Variants in BLM observed in about 807,000 individuals in gnomAD.
BLM encodes BLM RecQ like helicase, also known as recQ-like DNA helicase BLM.
BLM carries 95 observed loss-of-function variants against 135.3 expected under a neutral mutation model. The ratio of observed to expected loss-of-function variants is 0.70; its 90% confidence interval spans 0.59 to 0.83. The LOEUF is 0.83. Among genes scored for constraint, BLM ranks in the 40% least tolerant of loss-of-function variants. The pLI is 0.00. For synonymous variants in BLM, 520 were observed against 589.2 expected, an observed-to-expected ratio of 0.88 and a Z score of 1.70; for missense variants, 1,518 against 1,663.9, an observed-to-expected ratio of 0.91 and a Z score of 1.53.
At chr15:90,779,133 A>G (rs947026362) in intron 12 of BLM, among the ~76,000 whole-genome samples, 2 of 151,810 alleles carry the variant, frequency 1.3e-5, no homozygotes, top group African/African-American at 4.8e-5. Context: ...GATCCGCCCA[A>G]CTCAGCCTCC....
Position 90,794,216 on chromosome 15 carries a change from G to T in BLM, c.3069G>T (p.Leu1023Phe). 1 of 1,606,640 alleles carries T rather than the reference G, an allele frequency of 6.2e-7. No homozygotes were observed. Among genetic ancestry groups the T allele is most frequent in the South Asian group, 1.1e-5 (1 of 89,720 alleles). Residue 1023 changes from leucine to phenylalanine, a missense_variant, in exon 16 of 22, where the codon TTG (leucine) becomes TTT (phenylalanine). Physicochemically the swap from Leu to Phe is conservative, Grantham distance 22. This residue lies in a region of BLM where 626 missense variants were observed against 681.1 expected (regional missense o/e 0.92). Transcript: ENST00000355112. The stretch of plus-strand genomic sequence containing the variant: ...CAAGAGAAACTCACTTCAATAATTT[G>T]TATAGCATGGTACATTACTGTGAAA... ...HHTRETHFNN[L>F]YSMVHYCENI...
rs1895615618 is a variant in BLM at position 90,749,688 on chromosome 15, A to G, written c.420A>G (p.Glu140=). 3 of 1,614,202 alleles carry G rather than the reference A, an allele frequency of 1.9e-6. No individual in the cohort carries two copies. The highest frequency in any genetic ancestry group is 2.5e-6 in the Non-Finnish European group (3 of 1,180,034). ...KSRDTALKKL[E]FSSSPDSLST... is the part of the protein sequence containing the mutation. ...GGGATACTGCTCTCAAGAAATTAGAATTTAGTTCTTCACCAGATTCTTTAA... is the reference window on the plus strand; with the variant it reads ...GGGATACTGCTCTCAAGAAATTAGAGTTTAGTTCTTCACCAGATTCTTTAA... The change falls in exon 3 of 22, where the codon GAA becomes GAG. Residue 140 remains glutamate (E), a synonymous_variant. Transcript: ENST00000355112.
At chr15:90,769,624 G>T (rs1457068766) in intron 12 of BLM, 38 bp downstream of exon 12, 1 of 1,602,516 alleles carries the variant, frequency 6.2e-7, no homozygotes, top group South Asian at 1.1e-5. Flanking sequence ...GAACCCTGGG[G>T]CAGTGACTGC....
In BLM at chr15:90,803,595, CTT is replaced by C. The variant is rs770592505; in HGVS notation, c.3437_3438del (p.Phe1146Ter). On this transcript the variant is annotated frameshift_variant, in exon 18 of 22. Coordinates refer to ENST00000355112, the MANE Select transcript of BLM (RefSeq NM_000057.4). LOFTEE classifies it high-confidence loss of function. ...SAYSRHNAER[L>X]FKKLILDKIL... is the part of the protein sequence containing the mutation. Reference sequence around the variant, plus strand: ...TTATTCACGACACAATGCCGAAAGACTTTTTAAAAAGCTGATACTTGACAAGA... The same window carrying C: ...TTATTCACGACACAATGCCGAAAGACTTTAAAAAGCTGATACTTGACAAGA... 3.1e-6 allele frequency: 5 copies of C among 1,613,774 alleles called. No individual in the cohort carries two copies. Among genetic ancestry groups the C allele is most frequent in the Non-Finnish European group, 4.2e-6 (5 of 1,179,858 alleles).
chr15:90,750,944 A>G (rs1895667040), intron 3 of BLM, among the ~76,000 whole-genome samples: 1 of 152,220 alleles, frequency 6.6e-6, no homozygotes, highest in African/African-American at 2.4e-5. Flanking sequence ...AGATCCATAG[A>G]GGTTAAAATG....
intron 8 of BLM, among the ~76,000 whole-genome samples, chr15:90,764,295 A>T (rs930873625): frequency 1.1e-4 from 16 of 148,888 alleles, no homozygotes; most frequent in African/African-American, 3.9e-4. Context: ...TCTATTATAT[A>T]TAATTATAAT....
chr15:90,717,557 G>C (rs997583180), intron 1 of BLM, 117 bp downstream of exon 1: 1 of 152,694 alleles, frequency 6.5e-6, no homozygotes, highest in Non-Finnish European at 1.5e-5. Context: ...GGTTCGCCTC[G>C]GCCCGCTGAG....
chr15:90,735,119 C>T (rs1895175064), intron 1 of BLM, among the ~76,000 whole-genome samples: 1 of 151,098 alleles, frequency 6.6e-6, no homozygotes, highest in Non-Finnish European at 1.5e-5. Context: ...AATTTAAAAA[C>T]ATGTAAAACC....
intron 12 of BLM, among the ~76,000 whole-genome samples, chr15:90,780,188 G>C (rs1896584942): frequency 6.6e-6 from 1 of 151,390 alleles, no homozygotes; most frequent in Admixed American, 6.6e-5. Context: ...AGGTTCAAGC[G>C]ATTCTCCTGC....
chr15:90,723,132 G>A (rs958079864), intron 1 of BLM, among the ~76,000 whole-genome samples: 3 of 151,806 alleles, frequency 2.0e-5, no homozygotes, highest in Admixed American at 6.6e-5. Flanking sequence ...ATGAGCCACC[G>A]CTCCTGGCCC....
intron 12 of BLM, 105 bp from the exon 13 acceptor site, chr15:90,782,717 T>A: frequency 1.2e-6 from 1 of 845,642 alleles, no homozygotes; most frequent in Non-Finnish European, 2.0e-6. Flanking sequence ...CCTAATACCA[T>A]CACACTGGGG....
intron 17 of BLM, among the ~76,000 whole-genome samples, chr15:90,798,908 G>A (rs980320443): frequency 2.0e-5 from 3 of 151,926 alleles, no homozygotes; most frequent in African/African-American, 4.8e-5. Context: ...GCTAGAACCC[G>A]GGAAGTGAAG....
intron 1 of BLM, among the ~76,000 whole-genome samples, chr15:90,725,662 G>A (rs971381869): frequency 6.2e-5 from 9 of 144,136 alleles, no homozygotes; most frequent in African/African-American, 1.8e-4. Flanking sequence ...CACCATGCCC[G>A]GCTAATTTTT....
chr15:90,736,713 A>C (rs890463911), intron 1 of BLM, among the ~76,000 whole-genome samples: 4 of 152,160 alleles, frequency 2.6e-5, no homozygotes, highest in South Asian at 2.1e-4. Flanking sequence ...TGTAAAGAAG[A>C]ATGAGGAAAA....
intron 14 of BLM, among the ~76,000 whole-genome samples, chr15:90,785,358 A>G (rs1350908958): frequency 6.6e-6 from 1 of 152,096 alleles, no homozygotes; most frequent in East Asian, 1.9e-4. Flanking sequence ...TACAATAATC[A>G]TCTCTATCTA....
At chr15:90,745,724 G>A (rs1270555336) in intron 1 of BLM, among the ~76,000 whole-genome samples, 2 of 152,100 alleles carry the variant, frequency 1.3e-5, no homozygotes, top group Non-Finnish European at 2.9e-5. Context: ...TGAATATACT[G>A]TATAGTAGTG....
At position 90,749,413 on chromosome 15, in the gene BLM, G is replaced by C; in HGVS notation, c.145G>C (p.Val49Leu). 6.2e-7 allele frequency: 1 copy of C among 1,609,434 alleles called. No individual in the cohort carries two copies. Among genetic ancestry groups the C allele is most frequent in the South Asian group, 1.1e-5 (1 of 90,916 alleles). Reference sequence around the variant, plus strand: ...AACATCTTCAGATAACAATGTATCTGTAACTAATGTGTCAGTAGCAAAAAC... The same window carrying C: ...AACATCTTCAGATAACAATGTATCTCTAACTAATGTGTCAGTAGCAAAAAC... ...KKTSSDNNVS[V>L]TNVSVAKTPV... is the part of the protein sequence containing the mutation. The change falls in exon 3 of 22, where the codon GTA becomes CTA. Residue 49 changes from valine (V) to leucine (L), a missense_variant. This residue lies in a region of BLM where 724 missense variants were observed against 756.9 expected (regional missense o/e 0.96). Transcript: ENST00000355112.
chr15:90,804,636 G>A (rs1172026116), intron 19 of BLM, among the ~76,000 whole-genome samples: 1 of 151,902 alleles, frequency 6.6e-6, no homozygotes, highest in African/African-American at 2.4e-5. Context: ...GCTAATTTTT[G>A]TATTTTTTCG....
chr15:90,735,828 A>C (rs774399031), intron 1 of BLM, among the ~76,000 whole-genome samples: 5 of 152,134 alleles, frequency 3.3e-5, no homozygotes, highest in African/African-American at 1.2e-4. Flanking sequence ...AAAATGAAAA[A>C]CACCATAAGC....
Sources: allele counts gnomAD v4.1 joint callset (sites outside exome capture counted in the v4.1 genomes callset), GRCh38; gene constraint gnomAD v4.1.1; regional missense constraint gnomAD v4.1.1; transcripts MANE v1.5; gene names NCBI Gene and HGNC (gene_info 2026-07-23, HGNC 2026-07-21).